Variants in USH2A observed in about 807,000 individuals in gnomAD.
The protein encoded by USH2A is Usher syndrome 2A (autosomal recessive, mild).
Under a neutral mutation model 538.9 loss-of-function variants are expected in USH2A, and 443 were observed. That is an observed-to-expected ratio of 0.82 (90% CI 0.76 to 0.89). The LOEUF is 0.89. USH2A is among the 40% of genes least tolerant of loss of function. The probability of loss-of-function intolerance (pLI) is 0.00; values close to 1 mark genes in which losing one functional copy is unlikely to be tolerated. For missense variants in USH2A, 6,633 were observed against 6,324.8 expected, an observed-to-expected ratio of 1.05 and a Z score of -1.65; for synonymous variants, 2,413 against 2,273.5, an observed-to-expected ratio of 1.06 and a Z score of -1.75.
At chr1:215,711,352 T>C (rs35212968) in intron 61 of USH2A, among the ~76,000 whole-genome samples, 1,711 of 152,260 alleles carry the variant, frequency 0.011, 13 homozygotes, top group Admixed American at 0.018. Context: ...GTTGTAAAAA[T>C]GCAGCATCAA....
chr1:215,645,637 C>A (rs1656819281), intron 67 of USH2A, among the ~76,000 whole-genome samples: 1 of 152,166 alleles, frequency 6.6e-6, no homozygotes, highest in Non-Finnish European at 1.5e-5. Flanking sequence ...GTTGCTCAGA[C>A]ACATTAAGCT....
intron 49 of USH2A, 46 bp from the exon 50 acceptor site, chr1:215,799,171 A>G: frequency 1.3e-6 from 2 of 1,544,346 alleles, no homozygotes; most frequent in South Asian, 2.3e-5. Context: ...TTAAAAAAAT[A>G]TGCTATGACT....
intron 46 of USH2A, among the ~76,000 whole-genome samples, chr1:215,839,462 T>C (rs2102817780): frequency 6.6e-6 from 1 of 152,318 alleles, no homozygotes; most frequent in Admixed American, 6.5e-5. Flanking sequence ...TTGGGATATC[T>C]GAGTTGTTCT....
chr1:216,012,137 C>T lies in USH2A; in HGVS notation c.6326-11575G>A, dbSNP rs1668590220. ...CAGTAGCTGGGACTACAGGCGCCCA[C>T]GCTTGATTTATTGATGGCAGTTCCA... On this transcript the variant is annotated intron_variant, in intron 32 of 71. Transcript: ENST00000307340. Among the ~76,000 whole-genome samples the T allele has an allele frequency of 2.6e-5, 3 of 116,454 alleles. 1 individual carries two copies. Among genetic ancestry groups the T allele is most frequent in the South Asian group, 2.8e-4 (1 of 3,560 alleles). The allele number at this position is 116,454 out of a possible 152,430, so 76.4% of individuals were successfully genotyped here. A position where few individuals can be genotyped will look rare whatever the true frequency, so the allele number is the denominator to read the frequency against.
chr1:215,857,781 A>C (rs1934427), intron 44 of USH2A, among the ~76,000 whole-genome samples: 19,037 of 152,018 alleles, frequency 0.13, 1,251 homozygotes, highest in East Asian at 0.19. Flanking sequence ...CAGTTAGTAG[A>C]AGAGGGGCAG....
chr1:216,164,547 G>T (rs946786135), intron 21 of USH2A, among the ~76,000 whole-genome samples: 7 of 152,216 alleles, frequency 4.6e-5, no homozygotes, highest in Admixed American at 1.3e-4. Context: ...GAATAATAGA[G>T]TTAGGTTTAT....
At chr1:216,303,902 T>C (rs12093158) in intron 9 of USH2A, among the ~76,000 whole-genome samples, 59,606 of 151,696 alleles carry the variant, frequency 0.39, 13,064 homozygotes, top group African/African-American at 0.6. Context: ...GATCAATCTT[T>C]ACAGTAAAAC....
At chr1:215,831,913 T>G (rs896755386) in intron 47 of USH2A, among the ~76,000 whole-genome samples, 3 of 151,908 alleles carry the variant, frequency 2.0e-5, no homozygotes, top group African/African-American at 7.2e-5. Context: ...GATAAAACTC[T>G]AGGCTGAACA....
At chr1:216,056,980 T>G (rs2030998463) in intron 30 of USH2A, among the ~76,000 whole-genome samples, 1 of 152,220 alleles carries the variant, frequency 6.6e-6, no homozygotes, top group Non-Finnish European at 1.5e-5. Context: ...GTATTTGTAT[T>G]GAATGTTTAT....
chr1:216,204,908 T>C (rs1572048802), intron 16 of USH2A, among the ~76,000 whole-genome samples: 1 of 152,272 alleles, frequency 6.6e-6, no homozygotes, highest in East Asian at 1.9e-4. Flanking sequence ...TAATGAAAAA[T>C]ATGGTTTTAG....
intron 32 of USH2A, among the ~76,000 whole-genome samples, chr1:216,023,804 T>C (rs964014102): frequency 6.6e-6 from 1 of 152,098 alleles, no homozygotes; most frequent in African/African-American, 2.4e-5. Flanking sequence ...CTTTTATTTG[T>C]ACGATGAATT....
intron 32 of USH2A, among the ~76,000 whole-genome samples, chr1:216,004,640 A>G (rs1025184515): frequency 1.3e-5 from 2 of 152,208 alleles, no homozygotes; most frequent in African/African-American, 2.4e-5. Flanking sequence ...GTAAAGGAGA[A>G]CAGATAAATG....
chr1:216,170,874 G>T (rs1170411841), intron 21 of USH2A, among the ~76,000 whole-genome samples: 1 of 151,870 alleles, frequency 6.6e-6, no homozygotes, highest in African/African-American at 2.4e-5. Context: ...CCTTCTAGTT[G>T]CATATGGGAG....
At chr1:215,939,084 A>C (rs532364120) in intron 37 of USH2A, among the ~76,000 whole-genome samples, 1 of 152,308 alleles carries the variant, frequency 6.6e-6, no homozygotes, top group East Asian at 1.9e-4. Flanking sequence ...AATTTAAAAT[A>C]TGCATAAAAA....
intron 4 of USH2A, among the ~76,000 whole-genome samples, chr1:216,330,097 G>A (rs1475847427): frequency 6.6e-6 from 1 of 151,994 alleles, no homozygotes; most frequent in Non-Finnish European, 1.5e-5. Context: ...CTGTGATGTT[G>A]CTAAAGCCTG....
intron 51 of USH2A, among the ~76,000 whole-genome samples, chr1:215,788,254 T>C (rs1224294704): frequency 6.6e-6 from 1 of 152,112 alleles, no homozygotes; most frequent in Non-Finnish European, 1.5e-5. Context: ...ATGTTTCCCT[T>C]TTCTCTCTGG....
At chr1:216,362,997 A>T (rs896443977) in intron 4 of USH2A, among the ~76,000 whole-genome samples, 4 of 151,412 alleles carry the variant, frequency 2.6e-5, no homozygotes, top group African/African-American at 9.7e-5. Context: ...TAGTTTAGTA[A>T]TTTTTTTCAA....
chr1:215,867,208 C>G, intron 43 of USH2A, 38 bp from the exon 44 acceptor site: 1 of 1,598,150 alleles, frequency 6.3e-7, no homozygotes, highest in African/African-American at 1.3e-5. Flanking sequence ...ATATGAATTT[C>G]TACTTTACAG....
At chr1:216,061,097 T>C (rs1387611107) in intron 30 of USH2A, among the ~76,000 whole-genome samples, 1 of 152,206 alleles carries the variant, frequency 6.6e-6, no homozygotes, top group Non-Finnish European at 1.5e-5. Flanking sequence ...ATCTAGACCC[T>C]GTGGCCCAAA....
Sources: allele counts gnomAD v4.1 joint callset (sites outside exome capture counted in the v4.1 genomes callset), GRCh38; gene constraint gnomAD v4.1.1; transcripts MANE v1.5; gene names NCBI Gene and HGNC (gene_info 2026-07-23, HGNC 2026-07-21).